Variants in NVL observed in about 807,000 individuals in gnomAD.
The protein encoded by NVL is nuclear VCP like, also known as nuclear valosin-containing protein-like.
Under a neutral mutation model 110.2 loss-of-function variants are expected in NVL, and 84 were observed. The observed-to-expected ratio is 0.76, with a 90% CI of 0.64 to 0.91. The LOEUF (loss-of-function observed/expected upper bound fraction) is 0.91, where lower values mean the gene tolerates loss of function less well. Ranked by LOEUF, NVL falls within the 40% of genes least tolerant of loss-of-function variation. The pLI, the probability that NVL is intolerant of heterozygous loss-of-function variation, is 0.00. For missense variants in NVL, 882 were observed against 1,035.9 expected, an observed-to-expected ratio of 0.85 and a Z score of 2.04; for synonymous variants, 354 against 361.1, an observed-to-expected ratio of 0.98 and a Z score of 0.22.
chr1:224,236,471 CAG>C, intron 20 of NVL, 33 bp downstream of exon 20: 1 of 1,526,702 alleles, frequency 6.6e-7, no homozygotes, highest in African/African-American at 1.4e-5. Flanking sequence ...AATTGAACCC[CAG>C]AGAGTGAATT....
intron 11 of NVL, among the ~76,000 whole-genome samples, chr1:224,295,052 G>A (rs1391625740): frequency 1.3e-5 from 2 of 152,212 alleles, no homozygotes; most frequent in Non-Finnish European, 2.9e-5. Flanking sequence ...ACAAAACTGA[G>A]GACTTAAATC....
chr1:224,254,453 C>T (rs1423732017), intron 18 of NVL, among the ~76,000 whole-genome samples: 15 of 141,284 alleles, frequency 1.1e-4, no homozygotes, highest in Admixed American at 9.0e-4. Context: ...AGTGCAATGG[C>T]GCAATCTCAG....
intron 22 of NVL, among the ~76,000 whole-genome samples, chr1:224,228,630 T>C (rs1323059994): frequency 6.7e-6 from 1 of 148,772 alleles, no homozygotes; most frequent in Non-Finnish European, 1.5e-5. Flanking sequence ...TTACACTACA[T>C]TAACATTCAT....
chr1:224,307,330 G>T (rs1363894736), intron 6 of NVL, among the ~76,000 whole-genome samples: 1 of 152,156 alleles, frequency 6.6e-6, no homozygotes, highest in Non-Finnish European at 1.5e-5. Context: ...AGAAAGTCAG[G>T]CAGCGAAATC....
intron 15 of NVL, among the ~76,000 whole-genome samples, chr1:224,284,502 A>G (rs886580458): frequency 3.3e-5 from 5 of 151,980 alleles, no homozygotes; most frequent in African/African-American, 1.2e-4. Flanking sequence ...CAGCCTCCCG[A>G]GTAGCTGGGA....
intron 19 of NVL, among the ~76,000 whole-genome samples, chr1:224,247,855 T>A (rs1662035099): frequency 6.6e-6 from 1 of 152,130 alleles, no homozygotes; most frequent in East Asian, 1.9e-4. Context: ...CTGTGGAATA[T>A]TTAGCAGCAT....
intron 16 of NVL, among the ~76,000 whole-genome samples, chr1:224,280,444 G>A (rs1009398458): frequency 6.6e-6 from 1 of 151,896 alleles, no homozygotes; most frequent in Non-Finnish European, 1.5e-5. Flanking sequence ...TCTGCTTCAA[G>A]GTTCACATCT....
intron 4 of NVL, among the ~76,000 whole-genome samples, chr1:224,315,342 T>C (rs1669963497): frequency 6.6e-6 from 1 of 152,228 alleles, no homozygotes; most frequent in Non-Finnish European, 1.5e-5. Flanking sequence ...ATTGGCTTAA[T>C]ACTGGGAACC....
At position 224,236,153 on chromosome 1, in the gene NVL, T is replaced by A. The variant is rs537627397; in HGVS notation, c.2366+353A>T. ...GATTTCCTGATGTTACTACAGGCTATGTGGAGGTGAAAATGCATCCTGAGG... is the reference window on the plus strand; with the variant it reads ...GATTTCCTGATGTTACTACAGGCTAAGTGGAGGTGAAAATGCATCCTGAGG... On this transcript the variant is annotated intron_variant, in intron 20 of 22. Coordinates refer to ENST00000281701, the MANE Select transcript of NVL (RefSeq NM_002533.4). Among the ~76,000 whole-genome samples the A allele has an allele frequency of 5.3e-5, 8 of 152,290 alleles. No individual in the cohort carries two copies. In the South Asian group the frequency reaches 1.7e-3, roughly 32 times the overall value.
intron 18 of NVL, among the ~76,000 whole-genome samples, chr1:224,260,159 G>T (rs931827425): frequency 1.3e-5 from 2 of 152,146 alleles, no homozygotes; most frequent in Non-Finnish European, 2.9e-5. Context: ...AAAGCATCCA[G>T]ACTAGATGTG....
chr1:224,289,544 A>G lies in NVL; in HGVS notation c.1515T>C (p.Asp505=). Residue 505 remains aspartate (D), a synonymous_variant, in exon 13 of 23, where the codon GAT becomes GAC. Coordinates refer to ENST00000281701, the MANE Select transcript of NVL (RefSeq NM_002533.4). ...CCTCCTGGACTCCTTTAGATGGCAA[A>G]TCTTCCATTTCAGGATTTTTCTTCT... The part of the protein sequence containing the change: ...EQQKKNPEME[D]LPSKGVQEER... 6.2e-7 allele frequency: 1 copy of G among 1,614,202 alleles called. No homozygotes were observed. Among genetic ancestry groups the G allele is most frequent in the Non-Finnish European group, 8.5e-7 (1 of 1,180,042 alleles).
intron 6 of NVL, among the ~76,000 whole-genome samples, chr1:224,305,881 A>G (rs981043889): frequency 2.0e-5 from 3 of 152,220 alleles, no homozygotes; most frequent in Non-Finnish European, 2.9e-5. Context: ...CACATTCCCA[A>G]GACACTGCAT....
At chr1:224,324,107 G>A (rs1670916257) in intron 2 of NVL, among the ~76,000 whole-genome samples, 1 of 152,112 alleles carries the variant, frequency 6.6e-6, no homozygotes, top group Non-Finnish European at 1.5e-5. Flanking sequence ...AGACTACATG[G>A]TATAGCCTAC....
At chr1:224,244,258 T>A (rs1217424993) in intron 19 of NVL, among the ~76,000 whole-genome samples, 2 of 150,790 alleles carry the variant, frequency 1.3e-5, no homozygotes, top group African/African-American at 4.9e-5. Flanking sequence ...TCTCAGCTAT[T>A]TGGGAGGCTG....
At chr1:224,271,361 C>T (rs1052161230) in intron 17 of NVL, among the ~76,000 whole-genome samples, 19 of 151,900 alleles carry the variant, frequency 1.3e-4, no homozygotes, top group Admixed American at 4.6e-4. Flanking sequence ...TGGTGGTGCA[C>T]ACCCGTACTA....
At chr1:224,283,994 AT>A (rs1302629545) in intron 15 of NVL, among the ~76,000 whole-genome samples, 1 of 152,220 alleles carries the variant, frequency 6.6e-6, no homozygotes, top group Non-Finnish European at 1.5e-5. Flanking sequence ...TAAAAATGTT[AT>A]TATTTCAATT....
intron 17 of NVL, among the ~76,000 whole-genome samples, chr1:224,273,552 G>C (rs1243902520): frequency 6.6e-6 from 1 of 152,120 alleles, no homozygotes; most frequent in Non-Finnish European, 1.5e-5. Flanking sequence ...ACTTCATACG[G>C]CTACAGACTT....
chr1:224,275,014 T>G (rs1263059472), intron 17 of NVL, among the ~76,000 whole-genome samples: 10 of 152,214 alleles, frequency 6.6e-5, no homozygotes, highest in Non-Finnish European at 2.9e-5. Context: ...CAAGAACCCA[T>G]TTAGCTCAAG....
At chr1:224,242,581 C>A (rs937313877) in intron 19 of NVL, among the ~76,000 whole-genome samples, 8 of 147,684 alleles carry the variant, frequency 5.4e-5, no homozygotes, top group Admixed American at 4.2e-4. Flanking sequence ...GATTCTCCTG[C>A]CTCAGCCTTC....
Sources: gnomAD v4.1 joint callset for allele counts (sites outside exome capture counted in the v4.1 genomes callset) on GRCh38, gnomAD v4.1.1 for gene constraint, MANE v1.5 for transcripts, NCBI Gene and HGNC (gene_info 2026-07-23, HGNC 2026-07-21) for gene names.